Variants in RASGEF1B observed in about 807,000 individuals in gnomAD.
RASGEF1B encodes ras-GEF domain-containing family member 1B.
RASGEF1B carries 30 observed loss-of-function variants against 65.7 expected under a neutral mutation model. The ratio of observed to expected loss-of-function variants is 0.46; its 90% confidence interval spans 0.34 to 0.62. The LOEUF is 0.62. Among genes scored for constraint, RASGEF1B ranks in the 20% least tolerant of loss-of-function variants. The pLI is 0.01. For missense variants in RASGEF1B, 495 were observed against 580.1 expected (o/e 0.85, Z 1.51); for synonymous variants, 175 against 194.8 (o/e 0.90, Z 0.85).
At position 81,427,195 on chromosome 4, in the gene RASGEF1B, A is replaced by C. The variant is rs1721257082; in HGVS notation, c.*573T>G. 1 of 152,676 alleles carries C rather than the reference A, an allele frequency of 6.5e-6. No homozygotes were observed. The highest frequency in any genetic ancestry group is 2.4e-5 in the African/African-American group (1 of 41,430). The allele number at this position is 152,676 out of a possible 1,614,324, so 9.5% of individuals were successfully genotyped here. The stretch of plus-strand genomic sequence containing the variant: ...GGAGGAGGGAGGAGAAAAATTTACA[A>C]CACAGCACATACTAAGGGGAAACAA... On this transcript the variant is annotated 3_prime_UTR_variant, in exon 14 of 14. Coordinates refer to ENST00000264400, the MANE Select transcript of RASGEF1B (RefSeq NM_152545.3).
intron 10 of RASGEF1B, among the ~76,000 whole-genome samples, chr4:81,436,284 G>A (rs1440945074): frequency 1.8e-4 from 27 of 152,212 alleles, no homozygotes; most frequent in Admixed American, 1.7e-3. Flanking sequence ...TGTGTATGAT[G>A]AACAAGTTAG....
intron 4 of RASGEF1B, among the ~76,000 whole-genome samples, chr4:81,449,338 G>T (rs1417911119): frequency 6.6e-6 from 1 of 152,178 alleles, no homozygotes; most frequent in South Asian, 2.1e-4. Context: ...ATGCTTAAGA[G>T]AAACTAGTTT....
chr4:81,454,459 C>G (rs552726374), intron 4 of RASGEF1B: 1 of 152,164 alleles, frequency 6.6e-6, no homozygotes, highest in African/African-American at 2.4e-5. Flanking sequence ...TAGGTCTCAG[C>G]CTTCATACAA....
rs373335707 is a variant in RASGEF1B at position 81,445,651 on chromosome 4, G to C, written c.826-23C>G. The C allele has an allele frequency of 6.3e-6, 10 of 1,593,748 alleles. No homozygotes were observed. In the African/African-American group the frequency reaches 1.3e-4, roughly 21 times the overall value. On this transcript the variant is annotated intron_variant, in intron 7 of 13. Coordinates refer to ENST00000264400, the MANE Select transcript of RASGEF1B (RefSeq NM_152545.3). ...AGGCTACACAGTAAAAGACAATAGAGGGCAGTTATCCAGTATGAAGGCCCA... is the reference window on the plus strand; with the variant it reads ...AGGCTACACAGTAAAAGACAATAGACGGCAGTTATCCAGTATGAAGGCCCA...
chr4:81,436,541 G>A (rs184210392), intron 10 of RASGEF1B, among the ~76,000 whole-genome samples: 2 of 152,214 alleles, frequency 1.3e-5, no homozygotes, highest in Non-Finnish European at 1.5e-5. Context: ...ACAAGAAACA[G>A]AGAAAAAGGC....
In RASGEF1B at chr4:81,432,290, G is replaced by A. The variant is rs1314674035; in HGVS notation, c.1397+9C>T. ...AGACTTGTGCAGCAATGAGAAGAAT[G>A]AGACCCACCTTAAAGACTTCCATCT... On this transcript the variant is annotated intron_variant, in intron 13 of 13. Transcript: ENST00000264400. 2 of 1,585,478 alleles carry A rather than the reference G, an allele frequency of 1.3e-6. No homozygotes were observed. The highest frequency in any genetic ancestry group is 1.7e-6 in the Non-Finnish European group (2 of 1,155,502).
In RASGEF1B at chr4:81,427,650, C is replaced by T; in HGVS notation, c.*118G>A. 8.9e-7 allele frequency: 1 copy of T among 1,124,182 alleles called. No individual in the cohort carries two copies. Among genetic ancestry groups the T allele is most frequent in the Non-Finnish European group, 1.3e-6 (1 of 783,036 alleles). 69.6% of individuals were successfully genotyped at this position (1,124,182 alleles called of 1,614,324 possible). A position where few individuals can be genotyped will look rare whatever the true frequency, so the allele number is the denominator to read the frequency against. On this transcript the variant is annotated 3_prime_UTR_variant, in exon 14 of 14. Transcript: ENST00000264400. ...CTTGTGTGCTTTGCTGACCCGGGTG[C>T]TCCAATGACTGCAGGGTCTTCATGA...
At chr4:81,457,717 A>C in intron 2 of RASGEF1B, 96 bp from the exon 3 acceptor site, 1 of 1,383,774 alleles carries the variant, frequency 7.2e-7, no homozygotes, top group East Asian at 2.3e-5. Flanking sequence ...TCTCCTGATC[A>C]AGTTCATATG....
intron 13 of RASGEF1B, 22 bp from the exon 14 acceptor site, chr4:81,427,814 A>G: frequency 6.2e-7 from 1 of 1,612,196 alleles, no homozygotes. Flanking sequence ...AAACAACACA[A>G]CCTAAGACAG....
At chr4:81,469,642 T>C (rs1370385549) in intron 1 of RASGEF1B, among the ~76,000 whole-genome samples, 1 of 139,588 alleles carries the variant, frequency 7.2e-6, no homozygotes, top group Non-Finnish European at 1.6e-5. Flanking sequence ...TATGTACATA[T>C]ATGTGTATAT....
intron 4 of RASGEF1B, chr4:81,451,751 T>C (rs560890944): frequency 6.6e-6 from 1 of 152,366 alleles, no homozygotes; most frequent in African/African-American, 2.4e-5. Context: ...TTCTTTTCAC[T>C]TAAAAAAGCC....
rs1077803 is a variant in RASGEF1B, at chr4:81,448,051, T to A, written c.654+18A>T. ...GCAAATCTGTGGTTGTAAAGGGCAA[T>A]GATGATAACGGCCTTACCAGCTCTA... On this transcript the variant is annotated intron_variant, in intron 5 of 13. Coordinates refer to ENST00000264400, the MANE Select transcript of RASGEF1B (RefSeq NM_152545.3). The A allele has an allele frequency of 0.38, 604,158 of 1,605,220 alleles. 123,418 individuals carry two copies. The highest frequency in any genetic ancestry group is 0.8 in the African/African-American group (59,814 of 74,798).
intron 10 of RASGEF1B, among the ~76,000 whole-genome samples, chr4:81,440,360 C>G (rs925686933): frequency 3.9e-5 from 6 of 152,160 alleles, no homozygotes; most frequent in African/African-American, 1.4e-4. Flanking sequence ...CTGCTACCCC[C>G]ATAATCCAAT....
chr4:81,444,557 A>T (rs1409706902), intron 8 of RASGEF1B, among the ~76,000 whole-genome samples: 1 of 151,852 alleles, frequency 6.6e-6, no homozygotes, highest in Non-Finnish European at 1.5e-5. Context: ...CTTTTTTTTT[A>T]GACGGAGTCT....
chr4:81,432,009 AAAGTC>A (rs1268061611), intron 13 of RASGEF1B, among the ~76,000 whole-genome samples: 1 of 151,694 alleles, frequency 6.6e-6, no homozygotes, highest in Non-Finnish European at 1.5e-5. Flanking sequence ...TATTTTAGAC[AAAGTC>A]AATGCATTTT....
At position 81,427,007 on chromosome 4, in the gene RASGEF1B, A is replaced by G. The variant is rs969783643; in HGVS notation, c.*761T>C. ...AAAAAAAAAAAAAAAAAAAAAAAAA[A>G]AAAGTCCTTCTAGCATGTTAAGCAG... On this transcript the variant is annotated 3_prime_UTR_variant, in exon 14 of 14. Coordinates refer to ENST00000264400, the MANE Select transcript of RASGEF1B (RefSeq NM_152545.3). 1.3e-4 allele frequency: 19 copies of G among 147,126 alleles called. No individual in the cohort carries two copies. The highest frequency in any genetic ancestry group is 5.8e-4 in the East Asian group (3 of 5,162). 9.1% of individuals were successfully genotyped at this position (147,126 alleles called of 1,614,324 possible). A position where few individuals can be genotyped will look rare whatever the true frequency, so the allele number is the denominator to read the frequency against.
chr4:81,435,694 C>G (rs1473166632), intron 10 of RASGEF1B, among the ~76,000 whole-genome samples: 1 of 148,108 alleles, frequency 6.8e-6, no homozygotes, highest in Admixed American at 6.7e-5. Flanking sequence ...CCAGGATGGT[C>G]TCGATCTCCT....
chr4:81,466,786 G>GAAAGAAAGAAAGAAAGAA (rs1722840203), intron 1 of RASGEF1B, among the ~76,000 whole-genome samples: 8 of 140,016 alleles, frequency 5.7e-5, no homozygotes, highest in Middle Eastern at 3.6e-3. Context: ...AAGAAAGAAA[G>GAAAGAAAGAAAGAAAGAA]AAAGAAAGAA....
intron 13 of RASGEF1B, 146 bp downstream of exon 13, chr4:81,432,153 G>A (rs1264709550): frequency 1.4e-5 from 7 of 492,944 alleles, no homozygotes; most frequent in South Asian, 4.3e-5. Context: ...TGAGAATTCT[G>A]AGCCACAAAG....
Sources: gnomAD v4.1 joint callset for allele counts (sites outside exome capture counted in the v4.1 genomes callset) on GRCh38, gnomAD v4.1.1 for gene constraint, MANE v1.5 for transcripts, NCBI Gene and HGNC (gene_info 2026-07-23, HGNC 2026-07-21) for gene names.